The following GALNT5 variants were observed in gnomAD, a reference collection of about 807,000 sequenced individuals.
The protein encoded by GALNT5 is polypeptide N-acetylgalactosaminyltransferase 5.
A neutral mutation model predicts 85.4 loss-of-function variants in GALNT5; 72 were observed. The ratio of observed to expected loss-of-function variants is 0.84; its 90% CI spans 0.70 to 1.03. The LOEUF is 1.03. Among genes scored for constraint, GALNT5 ranks in the 50% least tolerant of loss-of-function variants. The probability of loss-of-function intolerance (pLI) is 0.00; values close to 1 mark genes in which losing one functional copy is unlikely to be tolerated. For missense variants in GALNT5, 1,137 were observed against 1,135.5 expected (o/e 1.00, Z -0.02); for synonymous variants, 404 against 397.0 (o/e 1.02, Z -0.21).
chr2:157,305,086 A>G (rs528157745), intron 7 of GALNT5, among the ~76,000 whole-genome samples: 46 of 152,320 alleles, frequency 3.0e-4, no homozygotes, highest in East Asian at 1.9e-4. Flanking sequence ...AAAGGGGGAA[A>G]GGAAATCAAC....
Position 157,301,040 on chromosome 2 carries a change from C to A in GALNT5, c.2439+41C>A, listed in dbSNP as rs192926221. On this transcript the variant is annotated intron_variant, in intron 7 of 9. Coordinates refer to ENST00000259056, the MANE Select transcript of GALNT5 (RefSeq NM_014568.3). ...AATTTAAAATCTTACTCCATAAAAA[C>A]AAAACACAAAATCTCTTTCAAAAAT... The A allele has an allele frequency of 5.8e-6, 8 of 1,381,602 alleles. No individual in the cohort carries two copies. The African/African-American group carries it at 8.6e-5, about 15-fold the overall frequency. 85.6% of individuals were successfully genotyped at this position (1,381,602 alleles called of 1,614,324 possible).
chr2:157,296,365 A>G (rs1683213368), intron 4 of GALNT5, 29 bp from the exon 5 acceptor site: 2 of 1,575,212 alleles, frequency 1.3e-6, no homozygotes, highest in Non-Finnish European at 1.7e-6. Context: ...AATCCCAGAT[A>G]ACACTTTGTT....
In GALNT5 at chr2:157,258,580, G is replaced by A. The variant is rs1682253782; in HGVS notation, c.498G>A (p.Gln166=). The change falls in exon 1 of 10, where the codon CAG becomes CAA. Residue 166 remains glutamine (Q), a synonymous_variant. Transcript: ENST00000259056. ...HQGTPKQTTA[Q]GAPKTSFIAA... ...GGACACCAAAGCAAACGACAGCTCAGGGGGCTCCAAAGACCTCATTCATAG... is the reference window on the plus strand; with the variant it reads ...GGACACCAAAGCAAACGACAGCTCAAGGGGCTCCAAAGACCTCATTCATAG... The A allele has an allele frequency of 6.2e-7, 1 of 1,613,272 alleles. No individual in the cohort carries two copies. Among genetic ancestry groups the A allele is most frequent in the African/African-American group, 1.3e-5 (1 of 74,660 alleles).
In GALNT5 at chr2:157,284,349, G is replaced by A; in HGVS notation, c.1522G>A (p.Val508Met). The change falls in exon 2 of 10, where the codon GTG becomes ATG. Residue 508 changes from valine (V) to methionine (M), a missense_variant. Coordinates refer to ENST00000259056, the MANE Select transcript of GALNT5 (RefSeq NM_014568.3). Reference sequence around the variant, plus strand: ...TGTCATCATGTGCTTTGTGGATGAAGTGTGGTCCACTCTCCTGAGATCTGT... The same window carrying A: ...TGTCATCATGTGCTTTGTGGATGAAATGTGGTCCACTCTCCTGAGATCTGT... ...TSVIMCFVDE[V>M]WSTLLRSVHS... 1 of 1,613,648 alleles carries A rather than the reference G, an allele frequency of 6.2e-7. No homozygotes were observed. Among genetic ancestry groups the A allele is most frequent in the Non-Finnish European group, 8.5e-7 (1 of 1,179,574 alleles).
Position 157,313,554 on chromosome 2 carries a change from T to C in GALNT5, c.*2206T>C, listed in dbSNP as rs1167599213. The C allele has an allele frequency of 6.6e-6, 1 of 152,162 alleles. No homozygotes were observed. The highest frequency in any genetic ancestry group is 1.5e-5 in the Non-Finnish European group (1 of 68,012). The allele number at this position is 152,162 out of a possible 1,614,324, so 9.4% of individuals were successfully genotyped here. On this transcript the variant is annotated 3_prime_UTR_variant, in exon 10 of 10. Transcript: ENST00000259056. ...TTACTGACAAACTGAACATGCTAGG[T>C]GCCTCATGTAATTCTTCATGTAACT...
chr2:157,258,150 T>C lies in GALNT5; in HGVS notation c.68T>C (p.Val23Ala), dbSNP rs775790487. The change falls in exon 1 of 10, where the codon GTC becomes GCC. Residue 23 changes from valine (V) to alanine (A), a missense_variant. By Grantham distance (64) the Val-to-Ala change is moderately conservative. Coordinates refer to ENST00000259056, the MANE Select transcript of GALNT5 (RefSeq NM_014568.3). ...RVLAFIFVAS[V>A]IWLLFDMAAL... ...TTGGCATTTATCTTTGTAGCTTCTG[T>C]CATCTGGCTCCTCTTTGACATGGCA... is the stretch of plus-strand genomic sequence containing the variant. 7 of 1,614,088 alleles carry C rather than the reference T, an allele frequency of 4.3e-6. No homozygotes were observed. In the Admixed American group the frequency reaches 1.2e-4, roughly 27 times the overall value.
intron 1 of GALNT5, among the ~76,000 whole-genome samples, chr2:157,265,014 G>GA (rs906334642): frequency 5.3e-5 from 8 of 150,476 alleles, no homozygotes; most frequent in East Asian, 1.9e-4. Context: ...TGGAGGCAGG[G>GA]AAAAAAAAAC....
Position 157,258,425 on chromosome 2 carries a change from C to G in GALNT5, c.343C>G (p.Gln115Glu). 4 of 1,609,598 alleles carry G rather than the reference C, an allele frequency of 2.5e-6. No homozygotes were observed. Among genetic ancestry groups the G allele is most frequent in the Non-Finnish European group, 3.4e-6 (4 of 1,178,564 alleles). ...CCAAACCCAGAGGGAAAGAAAAATG[C>G]AGAATGCCCTGGGAAGGGGCAAGGT... The part of the protein sequence containing the change: ...LDQTQRERKM[Q>E]NALGRGKVVP... The change falls in exon 1 of 10, where the codon CAG (glutamine) becomes GAG (glutamate). Residue 115 changes from glutamine to glutamate, a missense_variant. Physicochemically the swap from Gln to Glu is conservative, Grantham distance 29 (BLOSUM62 2). Transcript: ENST00000259056.
chr2:157,285,779 T>G, intron 2 of GALNT5, among the ~76,000 whole-genome samples: 1 of 152,148 alleles, frequency 6.6e-6, no homozygotes, highest in East Asian at 1.9e-4. Flanking sequence ...TACATCACCT[T>G]ACAACACTGA....
At chr2:157,300,627 T>C in intron 6 of GALNT5, 49 bp from the exon 7 acceptor site, 1 of 1,427,598 alleles carries the variant, frequency 7.0e-7, no homozygotes, top group Non-Finnish European at 9.8e-7. Flanking sequence ...GTGCCGATGA[T>C]TTGTGGATAA....
chr2:157,290,087 GTATATA>G (rs55861093), intron 3 of GALNT5, among the ~76,000 whole-genome samples: 110,138 of 131,664 alleles, frequency 0.84, 46,477 homozygotes, highest in Non-Finnish European at 0.9. Flanking sequence ...AAAAAAAAAT[GTATATA>G]TATATATATA....
chr2:157,299,676 G>A lies in GALNT5; in HGVS notation c.2115+11G>A, dbSNP rs1683299065. On this transcript the variant is annotated intron_variant, in intron 6 of 9. Coordinates refer to ENST00000259056, the MANE Select transcript of GALNT5 (RefSeq NM_014568.3). ...GAGCTCTCATTCAAGGTATTACCAG[G>A]TGTTTCCCAACTTTTCTTTACGATA... 2 of 1,400,602 alleles carry A rather than the reference G, an allele frequency of 1.4e-6. No individual in the cohort carries two copies. The highest frequency in any genetic ancestry group is 2.0e-6 in the Non-Finnish European group (2 of 994,918). The allele number at this position is 1,400,602 out of a possible 1,614,324, so 86.8% of individuals were successfully genotyped here.
intron 1 of GALNT5, among the ~76,000 whole-genome samples, chr2:157,271,539 G>T (rs777713520): frequency 6.6e-6 from 1 of 152,196 alleles, no homozygotes; most frequent in African/African-American, 2.4e-5. Flanking sequence ...GTATAAAGAT[G>T]TTATAGCTGA....
chr2:157,270,389 C>T (rs16841464), intron 1 of GALNT5, among the ~76,000 whole-genome samples: 27,150 of 152,044 alleles, frequency 0.18, 5,533 homozygotes, highest in African/African-American at 0.5. Flanking sequence ...GCTAGCTGGC[C>T]AGCATTCTCT....
chr2:157,292,910 G>A (rs1213891463), intron 3 of GALNT5, among the ~76,000 whole-genome samples: 1 of 152,110 alleles, frequency 6.6e-6, no homozygotes, highest in African/African-American at 2.4e-5. Context: ...CACCATGTTG[G>A]CCAGGATGGC....
intron 1 of GALNT5, among the ~76,000 whole-genome samples, chr2:157,271,102 C>CAA (rs60440798): frequency 1.5e-5 from 2 of 131,812 alleles, no homozygotes; most frequent in African/African-American, 5.2e-5. Flanking sequence ...GACTCTGTCT[C>CAA]AAAAAAAAAA....
In GALNT5 at chr2:157,258,638, G is replaced by A. The variant is rs752639731; in HGVS notation, c.556G>A (p.Val186Ile). 14 of 1,613,582 alleles carry A rather than the reference G, an allele frequency of 8.7e-6. No individual in the cohort carries two copies. Among genetic ancestry groups the A allele is most frequent in the Non-Finnish European group, 6.8e-6 (8 of 1,179,922 alleles). ...AGGAACTCAGGTAGTCAAAATATCA[G>A]TACACATGGGACGTGTCAGTTTAAA... ...AKGTQVVKIS[V>I]HMGRVSLKQE... Residue 186 changes from valine to isoleucine, a missense_variant, in exon 1 of 10, where the codon GTA becomes ATA. Coordinates refer to ENST00000259056, the MANE Select transcript of GALNT5 (RefSeq NM_014568.3).
At position 157,257,948 on chromosome 2, in the gene GALNT5, C is replaced by T; in HGVS notation, c.-135C>T. The T allele has an allele frequency of 1.2e-6, 1 of 848,648 alleles. No homozygotes were observed. Among genetic ancestry groups the T allele is most frequent in the Non-Finnish European group, 1.9e-6 (1 of 520,288 alleles). The allele number at this position is 848,648 out of a possible 1,614,324, so 52.6% of individuals were successfully genotyped here. A position where few individuals can be genotyped will look rare whatever the true frequency, so the allele number is the denominator to read the frequency against. ...GAGCTTTCCCCTTGGACTGCTGCTT[C>T]CTGCTGTGTTCAGGGGAGGGGGTCA... On this transcript the variant is annotated 5_prime_UTR_variant, in exon 1 of 10. Transcript: ENST00000259056.
intron 3 of GALNT5, among the ~76,000 whole-genome samples, chr2:157,289,109 GTTAC>G (rs977611537): frequency 3.3e-5 from 5 of 151,678 alleles, no homozygotes; most frequent in African/African-American, 1.2e-4. Context: ...CCAAATATGG[GTTAC>G]TTATTTAAAA....
Sources: gnomAD v4.1 joint callset for allele counts (sites outside exome capture counted in the v4.1 genomes callset) on GRCh38, gnomAD v4.1.1 for gene constraint, MANE v1.5 for transcripts, NCBI Gene and HGNC (gene_info 2026-07-23, HGNC 2026-07-21) for gene names.